Variants in MSANTD1 observed in about 807,000 individuals in gnomAD.
The protein encoded by MSANTD1 is myb/SANT-like DNA-binding domain-containing protein 1.
In MSANTD1, 7 loss-of-function variants were observed where a neutral mutation model predicts 24.2. The observed-to-expected ratio is 0.29, with a 90% CI of 0.16 to 0.54. The LOEUF (loss-of-function observed/expected upper bound fraction) is 0.54, where lower values mean the gene tolerates loss of function less well. MSANTD1 is among the 20% of genes least tolerant of loss of function. The pLI, the probability that MSANTD1 is intolerant of heterozygous loss-of-function variation, is 0.94. For synonymous variants in MSANTD1, 177 were observed against 181.1 expected (o/e 0.98, Z 0.18); for missense variants, 384 against 408.2 (o/e 0.94, Z 0.51).
intron 2 of MSANTD1, among the ~76,000 whole-genome samples, chr4:3,254,637 C>T (rs1370771908): frequency 6.6e-6 from 1 of 152,212 alleles, no homozygotes; most frequent in Non-Finnish European, 1.5e-5. Context: ...GCTCCCTGCC[C>T]TTCAGGGAGG....
At chr4:3,249,857 G>GGGAAGACACA (rs1443120889) in intron 1 of MSANTD1, among the ~76,000 whole-genome samples, 1 of 152,198 alleles carries the variant, frequency 6.6e-6, no homozygotes, top group Non-Finnish European at 1.5e-5. Context: ...CGTATGGGCG[G>GGGAAGACACA]TCTGGGCACT....
chr4:3,250,084 G>T (rs939723067), intron 1 of MSANTD1, among the ~76,000 whole-genome samples: 15 of 152,212 alleles, frequency 9.9e-5, no homozygotes, highest in Admixed American at 3.9e-4. Flanking sequence ...CCTCTGCCAT[G>T]AGCCGGTGAG....
In MSANTD1 at chr4:3,249,313, T is replaced by C; in HGVS notation, c.91T>C (p.Tyr31His). 2.6e-6 allele frequency: 4 copies of C among 1,542,008 alleles called. No homozygotes were observed. The highest frequency in any genetic ancestry group is 3.5e-6 in the Non-Finnish European group (4 of 1,140,038). ...SGMAAAEGPG[Y>H]LVSPQAEKHR... Reference sequence around the variant, plus strand: ...CATGGCGGCGGCCGAGGGGCCCGGCTACCTCGTGTCTCCCCAGGCGGAGAA... The same window carrying C: ...CATGGCGGCGGCCGAGGGGCCCGGCCACCTCGTGTCTCCCCAGGCGGAGAA... Residue 31 changes from tyrosine to histidine, a missense_variant, in exon 1 of 3, where the codon TAC becomes CAC. Coordinates refer to ENST00000438480, the MANE Select transcript of MSANTD1 (RefSeq NM_001042690.2).
intron 1 of MSANTD1, among the ~76,000 whole-genome samples, chr4:3,251,247 G>A (rs1035894788): frequency 2.0e-5 from 3 of 152,244 alleles, no homozygotes; most frequent in African/African-American, 7.2e-5. Flanking sequence ...GTTCCAGCAG[G>A]CTCCCCTCTG....
chr4:3,248,019 G>C (rs570921346), upstream of MSANTD1: 7 of 152,484 alleles, frequency 4.6e-5, no homozygotes, highest in South Asian at 6.2e-4. Context: ...AGGGCAGGGG[G>C]GTGCCTGCTG....
upstream of MSANTD1, chr4:3,244,537 T>C (rs1229488817): frequency 6.6e-6 from 1 of 152,280 alleles, no homozygotes; most frequent in African/African-American, 2.4e-5. Context: ...GCCCCGTCTA[T>C]TCTAGCTTGT....
At chr4:3,253,998 C>T (rs1236116207) in intron 2 of MSANTD1, among the ~76,000 whole-genome samples, 2 of 152,218 alleles carry the variant, frequency 1.3e-5, no homozygotes. Flanking sequence ...ATCCATCCCA[C>T]ACCTCAGACC....
In MSANTD1 at chr4:3,256,182, C is replaced by T. The variant is rs1390668694; in HGVS notation, c.*217C>T. 2.7e-5 allele frequency: 14 copies of T among 512,326 alleles called. No homozygotes were observed. In the South Asian group the frequency reaches 4.2e-4, roughly 15 times the overall value. 31.7% of individuals were successfully genotyped at this position (512,326 alleles called of 1,614,324 possible). On this transcript the variant is annotated 3_prime_UTR_variant, in exon 3 of 3. Coordinates refer to ENST00000438480, the MANE Select transcript of MSANTD1 (RefSeq NM_001042690.2). ...TCCAGTCTCCAGCATGAATGCCCTT[C>T]CTCGGACACAGGCCAGGGCCTCTGG...
In MSANTD1 at chr4:3,255,992, C is replaced by T. The variant is rs1722379322; in HGVS notation, c.*27C>T. On this transcript the variant is annotated 3_prime_UTR_variant, in exon 3 of 3. Coordinates refer to ENST00000438480, the MANE Select transcript of MSANTD1 (RefSeq NM_001042690.2). ...CCAGCAGGCGGCGGCGGCGGCGGGGCCGGGCGGCTGGTGGTACTGCTCAGG... is the reference window on the plus strand; with the variant it reads ...CCAGCAGGCGGCGGCGGCGGCGGGGTCGGGCGGCTGGTGGTACTGCTCAGG... 1.3e-6 allele frequency: 2 copies of T among 1,483,670 alleles called. No individual in the cohort carries two copies. The highest frequency in any genetic ancestry group is 2.5e-5 in the East Asian group (1 of 39,930). 91.9% of individuals were successfully genotyped at this position (1,483,670 alleles called of 1,614,324 possible). A position where few individuals can be genotyped will look rare whatever the true frequency, so the allele number is the denominator to read the frequency against.
At chr4:3,249,824 A>C (rs1317242448) in intron 1 of MSANTD1, among the ~76,000 whole-genome samples, 4 of 152,202 alleles carry the variant, frequency 2.6e-5, no homozygotes, top group Admixed American at 1.3e-4. Context: ...GGTGCTGGGC[A>C]GAGGCCAGGA....
At chr4:3,251,538 G>A (rs1018310865) in intron 1 of MSANTD1, among the ~76,000 whole-genome samples, 12 of 152,298 alleles carry the variant, frequency 7.9e-5, no homozygotes, top group African/African-American at 2.6e-4. Context: ...TTAGTTCACC[G>A]AGGGGGAAGC....
chr4:3,249,000 G>C (rs1415984207), upstream of MSANTD1: 1 of 403,132 alleles, frequency 2.5e-6, no homozygotes, highest in African/African-American at 2.1e-5. Flanking sequence ...TGGCCCGCTC[G>C]CCGCAATATT....
upstream of MSANTD1, chr4:3,248,423 C>G (rs1722105000): frequency 6.5e-6 from 1 of 152,840 alleles, no homozygotes; most frequent in Non-Finnish European, 1.5e-5. Context: ...TGTGGCCTCC[C>G]CCTGGCTTGC....
chr4:3,251,996 G>A (rs1722244260), intron 1 of MSANTD1, among the ~76,000 whole-genome samples: 1 of 152,224 alleles, frequency 6.6e-6, no homozygotes. Flanking sequence ...GGCTGTGCCT[G>A]TTTGCTGGGG....
chr4:3,251,957 C>T (rs926378376), intron 1 of MSANTD1, among the ~76,000 whole-genome samples: 2 of 152,240 alleles, frequency 1.3e-5, no homozygotes, highest in South Asian at 2.1e-4. Flanking sequence ...CCACGTGCCA[C>T]CCTGGGCAGC....
chr4:3,249,584 C>A, intron 1 of MSANTD1, 42 bp downstream of exon 1: 1 of 1,557,112 alleles, frequency 6.4e-7, no homozygotes, highest in South Asian at 1.2e-5. Flanking sequence ...GACGGGCGGG[C>A]CCGGGCGTGG....
At chr4:3,246,779 G>A, upstream of MSANTD1, 2 of 618,730 alleles carry the variant, frequency 3.2e-6, no homozygotes, top group East Asian at 5.9e-5. Flanking sequence ...TCCTCACATT[G>A]GAGGTCAGTG....
At chr4:3,246,329 TCTGGG>T (rs1001706779), upstream of MSANTD1, among the ~76,000 whole-genome samples, 1 of 152,224 alleles carries the variant, frequency 6.6e-6, no homozygotes, top group African/African-American at 2.4e-5. Context: ...CCACCTCCTC[TCTGGG>T]CTTCTGTGTT....
In MSANTD1 at chr4:3,249,483, C is replaced by G; in HGVS notation, c.261C>G (p.Gly87=). ...CCAGCAAGCTCTTCGAGATGACCGG[C>G]GAGCGCAGGCTGGGCGAGGAGATCA... The part of the protein sequence containing the change: ...KMASKLFEMT[G]ERRLGEEIKI... Residue 87 remains glycine, a synonymous_variant, in exon 1 of 3, where the codon GGC becomes GGG. Coordinates refer to ENST00000438480, the MANE Select transcript of MSANTD1 (RefSeq NM_001042690.2). 2 of 1,612,048 alleles carry G rather than the reference C, an allele frequency of 1.2e-6. No homozygotes were observed. Among genetic ancestry groups the G allele is most frequent in the Non-Finnish European group, 1.7e-6 (2 of 1,179,686 alleles).
Sources: allele counts gnomAD v4.1 joint callset (sites outside exome capture counted in the v4.1 genomes callset), GRCh38; gene constraint gnomAD v4.1.1; transcripts MANE v1.5; gene names NCBI Gene and HGNC (gene_info 2026-07-23, HGNC 2026-07-21).